Variants in TENM4 observed in about 807,000 individuals in gnomAD.
TENM4 encodes teneurin-4.
A neutral mutation model predicts 243.3 loss-of-function variants in TENM4; 82 were observed. The observed-to-expected ratio is 0.34, with a 90% confidence interval of 0.28 to 0.40. TENM4 has a LOEUF of 0.40. Among genes scored for constraint, TENM4 ranks in the 10% least tolerant of loss-of-function variants. The pLI is 1.00. For missense variants in TENM4, 3,138 were observed against 3,673.3 expected (o/e 0.85, Z 3.77); for synonymous variants, 1,412 against 1,456.3 (o/e 0.97, Z 0.69).
rs1170001172 is a variant in TENM4 at position 78,804,938 on chromosome 11, C to A, written c.2179+354G>T. ...GGACATTTATCCTATAAGGCCCACC[C>A]CTACAGAGCTTACCTAGGTACACTT... On this transcript the variant is annotated intron_variant, in intron 15 of 33. Transcript: ENST00000278550. 2.6e-5 allele frequency among the ~76,000 whole-genome samples: 4 copies of A among 152,094 alleles called. No individual in the cohort carries two copies. The East Asian group carries it at 7.7e-4, about 29-fold the overall frequency.
intron 7 of TENM4, among the ~76,000 whole-genome samples, chr11:78,897,993 C>A (rs987822153): frequency 6.6e-6 from 1 of 152,206 alleles, no homozygotes; most frequent in African/African-American, 2.4e-5. Flanking sequence ...CCAACAGGAA[C>A]CTGATGGGTT....
At chr11:78,915,490 T>A (rs1856294083) in intron 6 of TENM4, among the ~76,000 whole-genome samples, 1 of 152,166 alleles carries the variant, frequency 6.6e-6, no homozygotes, top group Admixed American at 6.5e-5. Context: ...TGTCACTGAT[T>A]CTCGAGGGGC....
chr11:78,870,068 T>A (rs1859084544), intron 9 of TENM4, among the ~76,000 whole-genome samples: 1 of 152,192 alleles, frequency 6.6e-6, no homozygotes, highest in Non-Finnish European at 1.5e-5. Context: ...AGTTACTGGT[T>A]TTGTGACTTT....
intron 6 of TENM4, among the ~76,000 whole-genome samples, chr11:79,000,465 T>C (rs1237249512): frequency 6.6e-6 from 1 of 151,950 alleles, no homozygotes; most frequent in African/African-American, 2.4e-5. Flanking sequence ...TATATATATA[T>C]GTGTGACAAA....
At chr11:79,249,073 A>G (rs146859693) in intron 2 of TENM4, among the ~76,000 whole-genome samples, 12 of 152,364 alleles carry the variant, frequency 7.9e-5, no homozygotes, top group African/African-American at 1.2e-4. Context: ...TCATTGACAC[A>G]ACCCTAGTAG....
At chr11:79,331,311 A>G (rs1030251400) in intron 1 of TENM4, among the ~76,000 whole-genome samples, 1 of 151,922 alleles carries the variant, frequency 6.6e-6, no homozygotes, top group Non-Finnish European at 1.5e-5. Context: ...TTGGAGTAAG[A>G]GTCTTGAGTT....
intron 2 of TENM4, among the ~76,000 whole-genome samples, chr11:79,293,751 G>T (rs1856396225): frequency 6.6e-6 from 1 of 152,168 alleles, no homozygotes; most frequent in Admixed American, 6.5e-5. Flanking sequence ...TGTGAGGCAG[G>T]ACTCTGATGC....
intron 30 of TENM4, among the ~76,000 whole-genome samples, chr11:78,675,154 G>C (rs368467062): frequency 6.6e-6 from 1 of 152,240 alleles, no homozygotes; most frequent in Admixed American, 6.5e-5. Context: ...GGTATGAGCT[G>C]CTGTGCCTGG....
intron 2 of TENM4, among the ~76,000 whole-genome samples, chr11:79,247,422 A>G (rs1334207083): frequency 2.0e-5 from 3 of 150,130 alleles, no homozygotes; most frequent in African/African-American, 2.5e-5. Flanking sequence ...GTCTCAAAAA[A>G]AAAAAAAAAA....
chr11:78,716,373 C>A (rs1157648664), intron 25 of TENM4, among the ~76,000 whole-genome samples: 2 of 152,148 alleles, frequency 1.3e-5, no homozygotes, highest in Non-Finnish European at 2.9e-5. Context: ...AAAGTTTATA[C>A]TTTTAGTATC....
chr11:79,192,585 G>T (rs1197242577), intron 3 of TENM4, among the ~76,000 whole-genome samples: 1 of 151,796 alleles, frequency 6.6e-6, no homozygotes, highest in Non-Finnish European at 1.5e-5. Context: ...TCGTTTAAGA[G>T]TCATCACCAC....
intron 6 of TENM4, among the ~76,000 whole-genome samples, chr11:78,931,289 C>T (rs183487361): frequency 4.1e-4 from 63 of 152,268 alleles, no homozygotes; most frequent in Middle Eastern, 3.4e-3. Flanking sequence ...AGACATGCTA[C>T]GTCTGAGTCC....
At chr11:79,096,926 GCGCACACACACACA>G (rs1007012057) in intron 4 of TENM4, 1 of 124,350 alleles carries the variant, frequency 8.0e-6, no homozygotes, top group Non-Finnish European at 1.6e-5. Context: ...GCGCGCGCGC[GCGCACACACACACA>G]CACACACACA....
chr11:78,827,218 T>A (rs945244136), intron 12 of TENM4, among the ~76,000 whole-genome samples: 3 of 152,194 alleles, frequency 2.0e-5, no homozygotes, highest in Non-Finnish European at 4.4e-5. Context: ...TCTAAAATAA[T>A]CTTGGGAACT....
intron 4 of TENM4, among the ~76,000 whole-genome samples, chr11:79,078,563 CA>C (rs1285585531): frequency 6.6e-6 from 1 of 152,118 alleles, no homozygotes; most frequent in East Asian, 1.9e-4. Flanking sequence ...CTGAGAGTAG[CA>C]AAGTGATGCT....
intron 6 of TENM4, among the ~76,000 whole-genome samples, chr11:79,062,574 T>C (rs1446721360): frequency 6.6e-6 from 1 of 152,210 alleles, no homozygotes; most frequent in Non-Finnish European, 1.5e-5. Flanking sequence ...TGGTTTAAGT[T>C]TGTTTGATTC....
At chr11:79,292,130 G>A (rs961068636) in intron 2 of TENM4, among the ~76,000 whole-genome samples, 1 of 152,112 alleles carries the variant, frequency 6.6e-6, no homozygotes, top group Non-Finnish European at 1.5e-5. Context: ...CAATGAAACC[G>A]GCATACTGTT....
chr11:78,949,081 C>T (rs1226991026), intron 6 of TENM4, among the ~76,000 whole-genome samples: 4 of 152,186 alleles, frequency 2.6e-5, no homozygotes, highest in Admixed American at 6.5e-5. Context: ...ATTTGTGACA[C>T]AAAGCCCAGT....
rs187921938 is a variant in TENM4, at chr11:79,155,524, G to A, written c.-162-6718C>T. Among the ~76,000 whole-genome samples the A allele has an allele frequency of 4.2e-3, 643 of 152,156 alleles. 4 individuals carry two copies. The highest frequency in any genetic ancestry group is 7.1e-3 in the Non-Finnish European group (484 of 67,994). On this transcript the variant is annotated intron_variant, in intron 3 of 33. Coordinates refer to ENST00000278550, the MANE Select transcript of TENM4 (RefSeq NM_001098816.3). Reference sequence around the variant, plus strand: ...ATCAAGATAGACTCCAGAGTGCTCCGGAAACCTGCTGTTTTTGTTCTTTAA... The same window carrying A: ...ATCAAGATAGACTCCAGAGTGCTCCAGAAACCTGCTGTTTTTGTTCTTTAA...
Sources: gnomAD v4.1 joint callset for allele counts (sites outside exome capture counted in the v4.1 genomes callset) on GRCh38, gnomAD v4.1.1 for gene constraint, MANE v1.5 for transcripts, NCBI Gene and HGNC (gene_info 2026-07-23, HGNC 2026-07-21) for gene names.